Variants in KIAA1217 observed in about 807,000 individuals in gnomAD.
KIAA1217 encodes KIAA1217, also known as sickle tail protein homolog.
A neutral mutation model predicts 163.9 loss-of-function variants in KIAA1217; 88 were observed. That is an observed-to-expected ratio of 0.54 (90% CI 0.45 to 0.64). KIAA1217 has a LOEUF of 0.64. Among genes scored for constraint, KIAA1217 ranks in the 30% least tolerant of loss-of-function variants. The probability of loss-of-function intolerance (pLI) is 0.00; values close to 1 mark genes in which losing one functional copy is unlikely to be tolerated. For missense variants in KIAA1217, 2,372 were observed against 2,475.0 expected, an observed-to-expected ratio of 0.96 and a Z score of 0.88; for synonymous variants, 903 against 923.1, an observed-to-expected ratio of 0.98 and a Z score of 0.39.
intron 1 of KIAA1217, among the ~76,000 whole-genome samples, chr10:24,217,635 G>C (rs1009821321): frequency 6.6e-6 from 1 of 152,224 alleles, no homozygotes; most frequent in Non-Finnish European, 1.5e-5. Flanking sequence ...ACAAGGGAAA[G>C]AGTGGTGGTC....
intron 3 of KIAA1217, among the ~76,000 whole-genome samples, chr10:24,398,584 G>A (rs900181300): frequency 6.6e-6 from 1 of 152,112 alleles, no homozygotes; most frequent in Non-Finnish European, 1.5e-5. Context: ...AGTACACTTG[G>A]AAGAGACCCA....
At chr10:24,432,948 C>T (rs768553240) in intron 3 of KIAA1217, 47 bp from the exon 4 acceptor site, 1 of 1,494,910 alleles carries the variant, frequency 6.7e-7, no homozygotes, top group Non-Finnish European at 9.3e-7. Context: ...TGCTGTGTGT[C>T]CCCTGAGTCT....
intron 3 of KIAA1217, among the ~76,000 whole-genome samples, chr10:24,417,322 T>A (rs570578963): frequency 6.6e-6 from 1 of 152,316 alleles, no homozygotes; most frequent in East Asian, 1.9e-4. Context: ...CTTTGTTGCC[T>A]TCTTCAGTAG....
chr10:24,165,949 G>A (rs906121228), intron 2 of KIAA1217, among the ~76,000 whole-genome samples: 3 of 152,108 alleles, frequency 2.0e-5, no homozygotes, highest in African/African-American at 7.2e-5. Context: ...TAAAAAGCAA[G>A]ACTCAAGACA....
At chr10:23,893,793 G>T (rs1189113256) in intron 1 of KIAA1217, among the ~76,000 whole-genome samples, 1 of 152,074 alleles carries the variant, frequency 6.6e-6, no homozygotes, top group African/African-American at 2.4e-5. Context: ...TATCCATCAT[G>T]ATCAAGTGGG....
At chr10:24,123,435 A>G (rs1270314377) in intron 2 of KIAA1217, among the ~76,000 whole-genome samples, 2 of 152,072 alleles carry the variant, frequency 1.3e-5, no homozygotes, top group African/African-American at 4.8e-5. Context: ...CAGTTTTGCC[A>G]TTACAACCAT....
At chr10:23,733,347 A>G (rs1351720272) in intron 1 of KIAA1217, among the ~76,000 whole-genome samples, 1 of 152,202 alleles carries the variant, frequency 6.6e-6, no homozygotes, top group Non-Finnish European at 1.5e-5. Flanking sequence ...TTAAAATTTA[A>G]TACTTTAAAA....
At chr10:23,723,456 CTAA>C (rs1442938120) in intron 1 of KIAA1217, among the ~76,000 whole-genome samples, 2 of 152,036 alleles carry the variant, frequency 1.3e-5, no homozygotes, top group Non-Finnish European at 1.5e-5. Flanking sequence ...TAAAAATAGA[CTAA>C]TAATAATGGC....
intron 5 of KIAA1217, among the ~76,000 whole-genome samples, chr10:24,460,011 G>C (rs1370877256): frequency 2.0e-5 from 3 of 152,064 alleles, no homozygotes; most frequent in African/African-American, 4.8e-5. Context: ...TCCCCATTTG[G>C]TGTTCTTCCC....
chr10:24,328,209 C>A (rs2045192862), intron 2 of KIAA1217, among the ~76,000 whole-genome samples: 1 of 152,144 alleles, frequency 6.6e-6, no homozygotes, highest in South Asian at 2.1e-4. Context: ...AAATTCATCT[C>A]CCTGTCTGAC....
chr10:23,899,594 G>A (rs950409282), intron 1 of KIAA1217, among the ~76,000 whole-genome samples: 1 of 151,948 alleles, frequency 6.6e-6, no homozygotes, highest in Non-Finnish European at 1.5e-5. Context: ...TTCCCCATTG[G>A]AGCAGTTTAA....
At chr10:24,530,440 G>A (rs2072952092) in intron 14 of KIAA1217, among the ~76,000 whole-genome samples, 3 of 152,042 alleles carry the variant, frequency 2.0e-5, no homozygotes, top group Admixed American at 1.3e-4. Flanking sequence ...GTAAACATTA[G>A]TTTCTGTCAT....
intron 2 of KIAA1217, among the ~76,000 whole-genome samples, chr10:24,076,692 T>C (rs116704252): frequency 0.015 from 2,265 of 152,272 alleles, 56 homozygotes; most frequent in African/African-American, 0.052. Flanking sequence ...CCAAAGTCCA[T>C]GCTCTGCTCT....
chr10:24,527,537 A>T (rs985130440), intron 13 of KIAA1217, among the ~76,000 whole-genome samples: 3 of 151,444 alleles, frequency 2.0e-5, no homozygotes, highest in African/African-American at 7.3e-5. Flanking sequence ...GTGGCTGAAC[A>T]TGTGTAATCC....
intron 1 of KIAA1217, among the ~76,000 whole-genome samples, chr10:24,006,667 T>C (rs1262123728): frequency 1.3e-5 from 2 of 152,190 alleles, no homozygotes; most frequent in East Asian, 3.8e-4. Context: ...AACCTTTATG[T>C]TGGGCAATTC....
intron 1 of KIAA1217, among the ~76,000 whole-genome samples, chr10:23,964,187 C>T (rs1844951123): frequency 6.6e-6 from 1 of 152,082 alleles, no homozygotes; most frequent in African/African-American, 2.4e-5. Context: ...CAGGCATGAG[C>T]CACTGTGCCT....
intron 1 of KIAA1217, among the ~76,000 whole-genome samples, chr10:23,896,017 A>T (rs1309104008): frequency 6.7e-6 from 1 of 148,582 alleles, no homozygotes; most frequent in Non-Finnish European, 1.5e-5. Flanking sequence ...GGGGAGGGAT[A>T]GCTTTAGGAG....
chr10:24,131,807 CT>C (rs974559876), intron 2 of KIAA1217, among the ~76,000 whole-genome samples: 1 of 152,110 alleles, frequency 6.6e-6, no homozygotes, highest in African/African-American at 2.4e-5. Flanking sequence ...AGGAAATAAA[CT>C]TTTGGCATGT....
At chr10:24,404,970 T>A (rs996050981) in intron 3 of KIAA1217, among the ~76,000 whole-genome samples, 3 of 152,170 alleles carry the variant, frequency 2.0e-5, no homozygotes, top group Non-Finnish European at 2.9e-5. Context: ...TGCCAGGGAC[T>A]GGGGATGTAG....
Sources: gnomAD v4.1 joint callset for allele counts (sites outside exome capture counted in the v4.1 genomes callset) on GRCh38, gnomAD v4.1.1 for gene constraint, MANE v1.5 for transcripts, NCBI Gene and HGNC (gene_info 2026-07-23, HGNC 2026-07-21) for gene names.